TENM3: variants seen among roughly 807,000 people sequenced by gnomAD.
TENM3 encodes the protein teneurin-3.
In TENM3, 63 loss-of-function variants were observed where a neutral mutation model predicts 255.1. That is an observed-to-expected ratio of 0.25 (90% CI 0.20 to 0.30). TENM3 has a LOEUF of 0.30. TENM3 is among the 10% of genes least tolerant of loss of function. The probability of loss-of-function intolerance (pLI) is 1.00; values close to 1 mark genes in which losing one functional copy is unlikely to be tolerated. For synonymous variants in TENM3, 1,306 were observed against 1,322.3 expected (o/e 0.99, Z 0.27); for missense variants, 2,929 against 3,461.1 (o/e 0.85, Z 3.86).
Position 182,789,472 on chromosome 4 carries a change from A to C in TENM3, c.5601+83A>C. Reference sequence around the variant, plus strand: ...TCATCCAGAGCACTAAGGGGAAAAAAAACAGTGGCACATGACTGAGTTCCA... The same window carrying C: ...TCATCCAGAGCACTAAGGGGAAAAACAACAGTGGCACATGACTGAGTTCCA... On this transcript the variant is annotated intron_variant, in intron 25 of 27. Transcript: ENST00000511685. The surrounding 1 kb of genome is among the most constrained non-coding windows in gnomAD (Gnocchi z 4.4). 2.3e-6 allele frequency: 3 copies of C among 1,283,102 alleles called. No homozygotes were observed. Among genetic ancestry groups the C allele is most frequent in the Non-Finnish European group, 3.2e-6 (3 of 930,564 alleles). The allele number at this position is 1,283,102 out of a possible 1,614,324, so 79.5% of individuals were successfully genotyped here.
At chr4:182,079,681 GCT>G in the TENM3 span, 21 of 152,254 alleles carry the variant, frequency 1.4e-4, no homozygotes, top group African/African-American at 5.1e-4. Context: ...TTAACTCACT[GCT>G]TTAGTTTTAA....
the TENM3 span, among the ~76,000 whole-genome samples, chr4:182,071,453 T>TC: frequency 1.3e-5 from 2 of 151,208 alleles, no homozygotes; most frequent in African/African-American, 4.8e-5. Context: ...TCTTTTCTTT[T>TC]TTTTTTTTTT....
chr4:182,141,818 C>G (rs1373970511), upstream of TENM3: 1 of 152,064 alleles, frequency 6.6e-6, no homozygotes, highest in Non-Finnish European at 1.5e-5. Flanking sequence ...AATGAGGATT[C>G]TAGAAAAAAG....
the TENM3 span, among the ~76,000 whole-genome samples, chr4:182,022,180 A>G: frequency 6.6e-6 from 1 of 152,064 alleles, no homozygotes; most frequent in Non-Finnish European, 1.5e-5. Flanking sequence ...TAAAAAAAAA[A>G]AAAATGTGGT....
chr4:182,423,649 C>T (rs1286939177), intron 3 of TENM3, among the ~76,000 whole-genome samples: 1 of 152,042 alleles, frequency 6.6e-6, no homozygotes, highest in Non-Finnish European at 1.5e-5. Context: ...TGTTAATACC[C>T]CAAGCTCCAA....
At chr4:182,703,810 C>T (rs1479860462) in intron 12 of TENM3, among the ~76,000 whole-genome samples, 3 of 152,136 alleles carry the variant, frequency 2.0e-5, no homozygotes. Context: ...ATACATTTTT[C>T]TTAAATATTA....
chr4:182,441,026 G>T (rs1004147270), intron 3 of TENM3, among the ~76,000 whole-genome samples: 2 of 152,056 alleles, frequency 1.3e-5, no homozygotes, highest in Non-Finnish European at 2.9e-5. Context: ...ACATTGTAAT[G>T]TATTACTTGG....
chr4:182,707,412 A>C (rs994605570), intron 12 of TENM3, among the ~76,000 whole-genome samples: 12 of 152,296 alleles, frequency 7.9e-5, no homozygotes, highest in African/African-American at 2.6e-4. Flanking sequence ...GAGACCTGAG[A>C]GTCCAGGTCC....
chr4:182,233,935 C>T (rs557255067), intron 1 of TENM3, among the ~76,000 whole-genome samples: 11 of 152,242 alleles, frequency 7.2e-5, no homozygotes, highest in African/African-American at 9.6e-5. Flanking sequence ...TCACTCTTTA[C>T]GCCTTTCGGC....
chr4:181,693,511 A>C, the TENM3 span, among the ~76,000 whole-genome samples: 2 of 152,162 alleles, frequency 1.3e-5, no homozygotes, highest in Non-Finnish European at 2.9e-5. Context: ...GGAAGAGTGC[A>C]GTTATGTAGT....
At chr4:182,664,477 A>G (rs1421391608) in intron 6 of TENM3, among the ~76,000 whole-genome samples, 7 of 152,166 alleles carry the variant, frequency 4.6e-5, no homozygotes, top group Admixed American at 1.3e-4. Context: ...AGGCCAATCA[A>G]TAACCCTACA....
At chr4:182,115,953 A>C in the TENM3 span, among the ~76,000 whole-genome samples, 1 of 152,202 alleles carries the variant, frequency 6.6e-6, no homozygotes, top group Non-Finnish European at 1.5e-5. Context: ...GAAAATACAG[A>C]GTTCCCATAT....
At chr4:181,773,652 C>T in the TENM3 span, among the ~76,000 whole-genome samples, 6 of 152,256 alleles carry the variant, frequency 3.9e-5, no homozygotes, top group East Asian at 1.2e-3. Flanking sequence ...TTCACTGTGA[C>T]CCTGAAACAA....
chr4:181,641,047 T>A, the TENM3 span, among the ~76,000 whole-genome samples: 1 of 152,206 alleles, frequency 6.6e-6, no homozygotes, highest in Non-Finnish European at 1.5e-5. Flanking sequence ...TTTTCATTAC[T>A]AAGAGACTGT....
the TENM3 span, among the ~76,000 whole-genome samples, chr4:181,514,271 G>A: frequency 9.4e-3 from 1,431 of 152,088 alleles, 24 homozygotes; most frequent in African/African-American, 0.033. Flanking sequence ...TGTAATTACA[G>A]TAAAAAGTTT....
the TENM3 span, among the ~76,000 whole-genome samples, chr4:181,897,301 T>C: frequency 6.6e-6 from 1 of 152,218 alleles, no homozygotes; most frequent in African/African-American, 2.4e-5. Flanking sequence ...TCAGCCCATT[T>C]TTTATCCATA....
chr4:181,462,100 G>A, the TENM3 span, among the ~76,000 whole-genome samples: 5 of 152,104 alleles, frequency 3.3e-5, no homozygotes, highest in Admixed American at 6.6e-5. Flanking sequence ...TTGATCCAGG[G>A]CTAATTTAAC....
the TENM3 span, among the ~76,000 whole-genome samples, chr4:181,990,116 C>G: frequency 6.6e-6 from 1 of 152,052 alleles, no homozygotes; most frequent in Non-Finnish European, 1.5e-5. Flanking sequence ...AAGGAAGGTT[C>G]TTTTAAGCTT....
chr4:181,979,612 G>C, the TENM3 span, among the ~76,000 whole-genome samples: 1 of 152,114 alleles, frequency 6.6e-6, no homozygotes, highest in South Asian at 2.1e-4. Context: ...GTTCAGGAGG[G>C]ACCAGAGTTG....
Sources: allele counts gnomAD v4.1 joint callset (sites outside exome capture counted in the v4.1 genomes callset), GRCh38; gene constraint gnomAD v4.1.1; non-coding constraint Gnocchi (gnomAD v3.1); transcripts MANE v1.5; gene names NCBI Gene and HGNC (gene_info 2026-07-23, HGNC 2026-07-21).